TTC28: variants seen among roughly 807,000 people sequenced by gnomAD.
The protein encoded by TTC28 is tetratricopeptide repeat protein 28.
A neutral mutation model predicts 198.0 loss-of-function variants in TTC28; 61 were observed. The observed-to-expected ratio is 0.31, with a 90% CI of 0.25 to 0.38. The LOEUF (loss-of-function observed/expected upper bound fraction) is 0.38. Among genes scored for constraint, TTC28 ranks in the 10% least tolerant of loss-of-function variants. The pLI is 1.00. For synonymous variants in TTC28, 1,171 were observed against 1,297.8 expected (o/e 0.90, Z 2.10); for missense variants, 2,678 against 3,164.0 (o/e 0.85, Z 3.69).
chr22:27,983,002 T>C lies in TTC28; in HGVS notation c.6665A>G (p.Gln2222Arg). Residue 2222 changes from glutamine (Q) to arginine (R), a missense_variant, in exon 23 of 23, where the codon CAG becomes CGG. Physicochemically the swap from Gln to Arg is conservative, Grantham distance 43. Transcript: ENST00000397906. The stretch of plus-strand genomic sequence containing the variant: ...AGTGACTGGTGATGGCTGACTCTTC[T>C]GATGGGAGAGAACAGGCCTGCTGAA... ...SAFSRPVLSH[Q>R]KSQPSPVTVK... is the part of the protein sequence containing the mutation. 1.3e-6 allele frequency: 2 copies of C among 1,551,686 alleles called. No individual in the cohort carries two copies. The highest frequency in any genetic ancestry group is 1.7e-6 in the Non-Finnish European group (2 of 1,146,984).
intron 2 of TTC28, among the ~76,000 whole-genome samples, chr22:28,538,251 AT>A (rs1357971429): frequency 6.6e-6 from 1 of 151,822 alleles, no homozygotes; most frequent in Admixed American, 6.6e-5. Flanking sequence ...AGCCTGGCTA[AT>A]TTTTTTTATA....
chr22:28,018,286 TGCGCGCGTGTGTGC>T (rs1938452990), intron 13 of TTC28, among the ~76,000 whole-genome samples: 1 of 97,312 alleles, frequency 1.0e-5, no homozygotes, highest in Non-Finnish European at 1.9e-5. Context: ...TGTATGTGTG[TGCGCGCGTGTGTGC>T]GCGCGCGGGG....
In TTC28 at chr22:28,107,210, C is replaced by A. The variant is rs573318284; in HGVS notation, c.2635G>T (p.Ala879Ser). 107 of 1,551,714 alleles carry A rather than the reference C, an allele frequency of 6.9e-5. No homozygotes were observed. The South Asian group carries it at 1.0e-3, about 14-fold the overall frequency. ...GNESVLDRGR[A>S]YGNLGDCYEA... ...TAGCAATCCCCCAGGTTGCCATAGGCCCGGCCCCTGTCGAGCACAGACTCA... is the reference window on the plus strand; with the variant it reads ...TAGCAATCCCCCAGGTTGCCATAGGACCGGCCCCTGTCGAGCACAGACTCA... Residue 879 changes from alanine to serine, a missense_variant, in exon 7 of 23, where the codon GCC becomes TCC. By Grantham distance (99) the Ala-to-Ser change is moderately conservative. Transcript: ENST00000397906.
chr22:28,381,925 T>A (rs1254114260), intron 2 of TTC28, among the ~76,000 whole-genome samples: 1 of 152,200 alleles, frequency 6.6e-6, no homozygotes, highest in Non-Finnish European at 1.5e-5. Flanking sequence ...TACTCTAAGA[T>A]ATATTTGAGG....
At chr22:28,587,008 G>A (rs2050331027) in intron 2 of TTC28, among the ~76,000 whole-genome samples, 1 of 152,130 alleles carries the variant, frequency 6.6e-6, no homozygotes, top group Non-Finnish European at 1.5e-5. Context: ...GATCACTTGA[G>A]GCCAGGAGTT....
At chr22:28,354,992 C>T (rs1346018154) in intron 2 of TTC28, among the ~76,000 whole-genome samples, 3 of 127,734 alleles carry the variant, frequency 2.3e-5, no homozygotes, top group Non-Finnish European at 4.7e-5. Context: ...CCCCACTTTA[C>T]TACCACAAAT....
chr22:28,326,238 A>G (rs1428950422), intron 2 of TTC28, among the ~76,000 whole-genome samples: 1 of 152,210 alleles, frequency 6.6e-6, no homozygotes, highest in Non-Finnish European at 1.5e-5. Context: ...TACATACCAT[A>G]TAATTCCATT....
chr22:28,452,994 A>C (rs1409064489), intron 2 of TTC28, among the ~76,000 whole-genome samples: 1 of 152,122 alleles, frequency 6.6e-6, no homozygotes, highest in African/African-American at 2.4e-5. Context: ...GTGCGAGAGG[A>C]TCTCATGGGG....
chr22:28,311,354 G>A (rs2045252783), intron 2 of TTC28, among the ~76,000 whole-genome samples: 2 of 151,952 alleles, frequency 1.3e-5, no homozygotes, highest in African/African-American at 4.8e-5. Context: ...TAACACAACT[G>A]GGTCAAAAGC....
chr22:28,302,189 A>C (rs2045040769), intron 3 of TTC28, among the ~76,000 whole-genome samples: 2 of 152,148 alleles, frequency 1.3e-5, no homozygotes, highest in Admixed American at 6.5e-5. Context: ...TGGTACCTGA[A>C]TAGAAATCAG....
chr22:28,677,158 G>GAAAAAA (rs35292146), intron 1 of TTC28, among the ~76,000 whole-genome samples: 1 of 45,036 alleles, frequency 2.2e-5, no homozygotes, highest in Non-Finnish European at 4.1e-5. Context: ...TCCATCTCAG[G>GAAAAAA]AAAAAAAAAA....
chr22:28,332,372 T>C (rs1038471332), intron 2 of TTC28, among the ~76,000 whole-genome samples: 1 of 152,008 alleles, frequency 6.6e-6, no homozygotes, highest in Admixed American at 6.6e-5. Flanking sequence ...ATAGACTTAA[T>C]AGAAATACAA....
At chr22:28,337,563 C>T (rs1340856733) in intron 2 of TTC28, among the ~76,000 whole-genome samples, 1 of 152,196 alleles carries the variant, frequency 6.6e-6, no homozygotes, top group Admixed American at 6.5e-5. Context: ...GTTAGCTCTT[C>T]TTGTTGAATT....
At chr22:28,024,062 C>T (rs183598607) in intron 13 of TTC28, among the ~76,000 whole-genome samples, 2 of 141,842 alleles carry the variant, frequency 1.4e-5, no homozygotes, top group East Asian at 5.0e-4. Context: ...TGTGCCTGTA[C>T]CTACTTAACA....
chr22:28,471,613 A>G (rs562766066), intron 2 of TTC28, among the ~76,000 whole-genome samples: 26 of 152,298 alleles, frequency 1.7e-4, no homozygotes, highest in Non-Finnish European at 3.5e-4. Flanking sequence ...AAACAGGATT[A>G]CTCATGAACT....
At chr22:28,117,237 G>A (rs1051729463) in intron 6 of TTC28, among the ~76,000 whole-genome samples, 1 of 152,214 alleles carries the variant, frequency 6.6e-6, no homozygotes, top group East Asian at 1.9e-4. Flanking sequence ...CGGAGCTAAG[G>A]CAGGCTTAGA....
chr22:28,360,751 T>C (rs1016220433), intron 2 of TTC28, among the ~76,000 whole-genome samples: 2 of 152,248 alleles, frequency 1.3e-5, no homozygotes, highest in African/African-American at 4.8e-5. Flanking sequence ...GCTTTGCAGA[T>C]ACTGCATTTT....
rs143956938 is a variant in TTC28 at position 28,618,451 on chromosome 22, G to A, written c.381+11101C>T. On this transcript the variant is annotated intron_variant, in intron 2 of 22. Transcript: ENST00000397906. The stretch of plus-strand genomic sequence containing the variant: ...AATCCAAGCACTTTGGGAGGCTGAG[G>A]CAGGTGGATCACCTGAGGTTAGGAG... Among the ~76,000 whole-genome samples, 688 of 152,272 alleles carry A rather than the reference G, an allele frequency of 4.5e-3. 1 individual carries two copies. The highest frequency in any genetic ancestry group is 0.01 in the Middle Eastern group (3 of 294).
At chr22:28,567,170 G>A (rs1051186111) in intron 2 of TTC28, among the ~76,000 whole-genome samples, 3 of 147,792 alleles carry the variant, frequency 2.0e-5, no homozygotes, top group African/African-American at 7.5e-5. Flanking sequence ...AGCCAAGATT[G>A]TGCCATTGCA....
Sources: allele counts gnomAD v4.1 joint callset (sites outside exome capture counted in the v4.1 genomes callset), GRCh38; gene constraint gnomAD v4.1.1; transcripts MANE v1.5; gene names NCBI Gene and HGNC (gene_info 2026-07-23, HGNC 2026-07-21).